COLEC12: variants seen among roughly 807,000 people sequenced by gnomAD.
COLEC12 encodes collectin subfamily member 12.
In COLEC12, 33 loss-of-function variants were observed where a neutral mutation model predicts 71.1. That is an observed-to-expected ratio of 0.46 (90% CI 0.35 to 0.62). The LOEUF (loss-of-function observed/expected upper bound fraction) is 0.62, where lower values mean the gene tolerates loss of function less well. COLEC12 is among the 20% of genes least tolerant of loss of function. The pLI is 0.00. For synonymous variants in COLEC12, 350 were observed against 353.0 expected, an observed-to-expected ratio of 0.99 and a Z score of 0.10; for missense variants, 765 against 916.1, an observed-to-expected ratio of 0.84 and a Z score of 2.13.
At chr18:473,339 G>A (rs2143757886) in intron 2 of COLEC12, among the ~76,000 whole-genome samples, 1 of 123,204 alleles carries the variant, frequency 8.1e-6, no homozygotes, top group East Asian at 2.3e-4. Flanking sequence ...TTCCCAAGGG[G>A]CCTCCAAATG....
At chr18:438,404 A>C (rs987634212) in intron 2 of COLEC12, among the ~76,000 whole-genome samples, 21 of 152,340 alleles carry the variant, frequency 1.4e-4, no homozygotes, top group Middle Eastern at 3.4e-3. Flanking sequence ...TTTTAAACAT[A>C]CTAAAACCTG....
intron 8 of COLEC12, among the ~76,000 whole-genome samples, chr18:324,690 C>A (rs1913794785): frequency 7.2e-6 from 1 of 138,864 alleles, no homozygotes; most frequent in Non-Finnish European, 1.6e-5. Context: ...TTAGCCGGGC[C>A]TGGTGGCAGG....
At position 346,270 on chromosome 18, in the gene COLEC12, A is replaced by G. The variant is rs1246509933; in HGVS notation, c.1327+25T>C. Reference sequence around the variant, plus strand: ...ATGCAGCAATAAACAACTAATACAAATACAAATTCAGAATTTTGACTTACC... The same window carrying G: ...ATGCAGCAATAAACAACTAATACAAGTACAAATTCAGAATTTTGACTTACC... On this transcript the variant is annotated intron_variant, in intron 5 of 9. Transcript: ENST00000400256. This position sits in a 1 kb window ranked among gnomAD's most constrained non-coding sequence, Gnocchi z 4.0. The G allele has an allele frequency of 1.3e-6, 2 of 1,536,480 alleles. 1 individual carries two copies. The highest frequency in any genetic ancestry group is 3.7e-5 in the Admixed American group (2 of 54,712).
intron 1 of COLEC12, among the ~76,000 whole-genome samples, chr18:486,026 T>C (rs1448599508): frequency 1.3e-5 from 2 of 152,190 alleles, no homozygotes; most frequent in African/African-American, 4.8e-5. Flanking sequence ...GTTATACATG[T>C]CACTCTCTTT....
chr18:368,660 C>G (rs557580043), intron 2 of COLEC12, among the ~76,000 whole-genome samples: 76 of 151,532 alleles, frequency 5.0e-4, no homozygotes, highest in South Asian at 8.4e-4. Flanking sequence ...GTCAGGAGAT[C>G]GAGACCAGCC....
At chr18:495,887 A>C (rs1015082067) in intron 1 of COLEC12, among the ~76,000 whole-genome samples, 1 of 152,220 alleles carries the variant, frequency 6.6e-6, no homozygotes, top group African/African-American at 2.4e-5. Flanking sequence ...CAAGTAACAC[A>C]ACCTCTCTGA....
chr18:498,881 G>A (rs905310917), intron 1 of COLEC12, among the ~76,000 whole-genome samples: 1 of 152,140 alleles, frequency 6.6e-6, no homozygotes, highest in Admixed American at 6.5e-5. Context: ...CAGTGCAAAT[G>A]TAAAGTGGAA....
At chr18:496,552 C>T (rs1917716873) in intron 1 of COLEC12, among the ~76,000 whole-genome samples, 1 of 152,068 alleles carries the variant, frequency 6.6e-6, no homozygotes, top group South Asian at 2.1e-4. Flanking sequence ...GGCTTGTTTG[C>T]TTATCCCAGT....
At chr18:394,150 C>T (rs1287262234) in intron 2 of COLEC12, among the ~76,000 whole-genome samples, 2 of 152,166 alleles carry the variant, frequency 1.3e-5, no homozygotes, top group East Asian at 3.8e-4. Flanking sequence ...ATTGATGAGG[C>T]CAACACCAGA....
intron 2 of COLEC12, among the ~76,000 whole-genome samples, chr18:449,951 AAC>A (rs1187379823): frequency 2.0e-5 from 3 of 152,242 alleles, no homozygotes; most frequent in African/African-American, 7.2e-5. Flanking sequence ...TTATTTAAAA[AAC>A]AGCTTCCATT....
At position 480,550 on chromosome 18, in the gene COLEC12, G is replaced by A. The variant is rs1179917714; in HGVS notation, c.58+157C>T. Among the ~76,000 whole-genome samples, 1 of 151,978 alleles carries A rather than the reference G, an allele frequency of 6.6e-6. No individual in the cohort carries two copies. Among genetic ancestry groups the A allele is most frequent in the Non-Finnish European group, 1.5e-5 (1 of 68,004 alleles). Reference sequence around the variant, plus strand: ...GAATTGTGAGAAACCCTCCCCCTGGGACACAGACACTCACTTTCCAACCAA... The same window carrying A: ...GAATTGTGAGAAACCCTCCCCCTGGAACACAGACACTCACTTTCCAACCAA... On this transcript the variant is annotated intron_variant, in intron 2 of 9. Coordinates refer to ENST00000400256, the MANE Select transcript of COLEC12 (RefSeq NM_130386.3). This position sits in a 1 kb window ranked among gnomAD's most constrained non-coding sequence, Gnocchi z 4.1.
intron 1 of COLEC12, among the ~76,000 whole-genome samples, chr18:499,233 A>G (rs997994375): frequency 3.3e-5 from 5 of 152,202 alleles, no homozygotes; most frequent in Non-Finnish European, 7.3e-5. Flanking sequence ...GAAATTCTCT[A>G]GGTAGGCAGT....
intron 2 of COLEC12, among the ~76,000 whole-genome samples, chr18:382,559 T>C (rs1327570590): frequency 6.6e-6 from 1 of 152,204 alleles, no homozygotes; most frequent in Non-Finnish European, 1.5e-5. Context: ...ATGAAGTCCC[T>C]GCTTACCTTA....
At chr18:431,595 G>A (rs1916305345) in intron 2 of COLEC12, among the ~76,000 whole-genome samples, 1 of 152,204 alleles carries the variant, frequency 6.6e-6, no homozygotes, top group Non-Finnish European at 1.5e-5. Flanking sequence ...GTGAATGCAT[G>A]AGGAGGAGCA....
At chr18:331,559 G>A (rs1348694132) in intron 8 of COLEC12, 109 bp downstream of exon 8, 2 of 623,548 alleles carry the variant, frequency 3.2e-6, no homozygotes, top group African/African-American at 1.8e-5. Context: ...TTTGGGAGGA[G>A]CGTCTAGGAC....
intron 2 of COLEC12, among the ~76,000 whole-genome samples, chr18:384,002 TC>T (rs1915290302): frequency 2.6e-5 from 4 of 152,108 alleles, no homozygotes; most frequent in Non-Finnish European, 5.9e-5. Flanking sequence ...GAGAACAGTA[TC>T]GGGGAAACCG....
At chr18:338,244 T>G (rs1914163219) in intron 5 of COLEC12, among the ~76,000 whole-genome samples, 2 of 152,362 alleles carry the variant, frequency 1.3e-5, no homozygotes, top group Non-Finnish European at 2.9e-5. Context: ...TTTTAGTCCT[T>G]GTTTGTTCTA....
At chr18:474,947 G>T (rs964077494) in intron 2 of COLEC12, among the ~76,000 whole-genome samples, 10 of 151,586 alleles carry the variant, frequency 6.6e-5, no homozygotes, top group Admixed American at 6.6e-4. Context: ...CGGTGGCGGC[G>T]CCTGTAGTCC....
At chr18:333,626 C>G (rs1914035251) in intron 6 of COLEC12, 1 of 152,778 alleles carries the variant, frequency 6.5e-6, no homozygotes, top group Non-Finnish European at 1.5e-5. Flanking sequence ...GCTAACCAAA[C>G]ATTCGAGTTT....
Sources: gnomAD v4.1 joint callset for allele counts (sites outside exome capture counted in the v4.1 genomes callset) on GRCh38, gnomAD v4.1.1 for gene constraint, Gnocchi (gnomAD v3.1) non-coding constraint, MANE v1.5 for transcripts, NCBI Gene and HGNC (gene_info 2026-07-23, HGNC 2026-07-21) for gene names.